RABEP1: variants seen among roughly 807,000 people sequenced by gnomAD.
RABEP1 encodes rabaptin, RAB GTPase binding effector protein 1.
A neutral mutation model predicts 123.4 loss-of-function variants in RABEP1; 51 were observed. That is an observed-to-expected ratio of 0.41 (90% CI 0.33 to 0.52). RABEP1 has a LOEUF of 0.52. Among genes scored for constraint, RABEP1 ranks in the 20% least tolerant of loss-of-function variants. RABEP1 has a pLI of 0.16. For missense variants in RABEP1, 888 were observed against 996.3 expected (o/e 0.89, Z 1.46); for synonymous variants, 347 against 355.2 (o/e 0.98, Z 0.26).
rs1907256650 is a variant in RABEP1, at chr17:5,338,082, T to C, written c.592T>C (p.Leu198=). 1 of 1,613,390 alleles carries C rather than the reference T, an allele frequency of 6.2e-7. No individual in the cohort carries two copies. Among genetic ancestry groups the C allele is most frequent in the Non-Finnish European group, 8.5e-7 (1 of 1,179,596 alleles). The change falls in exon 5 of 18, where the codon TTG becomes CTG. Residue 198 remains leucine (L), a synonymous_variant. Transcript: ENST00000537505. ...GCCAATGGAAAAGGAAATTGCAGCT[T>C]TGAAGGATAAACTGACAGAGGCTGA... ...VMPMEKEIAA[L]KDKLTEAEDK...
chr17:5,353,174 ACTC>A (rs2144654058), intron 7 of RABEP1, among the ~76,000 whole-genome samples: 1 of 151,554 alleles, frequency 6.6e-6, no homozygotes, highest in South Asian at 2.1e-4. Context: ...ATTACACAGA[ACTC>A]CTCCACAGGC....
intron 4 of RABEP1, 119 bp downstream of exon 4, chr17:5,335,463 T>C: frequency 1.1e-6 from 1 of 888,768 alleles, no homozygotes; most frequent in Non-Finnish European, 1.7e-6. Context: ...AATAATTATT[T>C]GGACACAGAC....
intron 10 of RABEP1, among the ~76,000 whole-genome samples, chr17:5,364,702 T>C (rs952732250): frequency 2.2e-5 from 3 of 135,404 alleles, no homozygotes; most frequent in Non-Finnish European, 4.7e-5. Context: ...AGCGAGAGAC[T>C]CTTGTCTCAA....
At chr17:5,381,714 C>A in intron 17 of RABEP1, 2 of 738,940 alleles carry the variant, frequency 2.7e-6, no homozygotes, top group Non-Finnish European at 3.9e-6. Flanking sequence ...TATGCCTTGC[C>A]AATTTTGCCT....
rs754711317 is a variant in RABEP1 at position 5,362,943 on chromosome 17, G to A, written c.1595G>A (p.Arg532His). 2.0e-5 allele frequency: 33 copies of A among 1,613,782 alleles called. No individual in the cohort carries two copies. The highest frequency in any genetic ancestry group is 1.6e-4 in the Middle Eastern group (1 of 6,084). The change falls in exon 10 of 18, where the codon CGT becomes CAT. Residue 532 changes from arginine (R) to histidine (H), a missense_variant. Coordinates refer to ENST00000537505, the MANE Select transcript of RABEP1 (RefSeq NM_004703.6). Reference protein sequence around the residue: ...VHNAGNKLGRRCDMCSNYEKQ... With the variant: ...VHNAGNKLGRHCDMCSNYEKQ... The stretch of plus-strand genomic sequence containing the variant: ...AATGCTGGAAATAAACTTGGTAGAC[G>A]TTGTGATATGTGTTCCAATTACGAA...
intron 2 of RABEP1, among the ~76,000 whole-genome samples, chr17:5,328,053 A>G (rs781367005): frequency 1.3e-5 from 2 of 152,246 alleles, no homozygotes; most frequent in Non-Finnish European, 2.9e-5. Context: ...AGTAGTTATC[A>G]ACAGTCAACA....
chr17:5,298,921 C>G (rs1472020844), intron 1 of RABEP1, among the ~76,000 whole-genome samples: 1 of 151,898 alleles, frequency 6.6e-6, no homozygotes, highest in African/African-American at 2.4e-5. Flanking sequence ...TCTCAAAGTG[C>G]TGGGATTACA....
At chr17:5,328,692 C>G (rs1906212791) in intron 2 of RABEP1, among the ~76,000 whole-genome samples, 1 of 147,838 alleles carries the variant, frequency 6.8e-6, no homozygotes, top group Admixed American at 6.8e-5. Context: ...GTGGCTCACG[C>G]CTGTAATCCC....
In RABEP1 at chr17:5,319,265, A is replaced by G. The variant is rs193257361; in HGVS notation, c.163+10443A>G. 2.0e-3 allele frequency among the ~76,000 whole-genome samples: 276 copies of G among 139,458 alleles called. 1 individual carries two copies. The highest frequency in any genetic ancestry group is 5.9e-3 in the African/African-American group (231 of 38,982). 91.5% of individuals were successfully genotyped at this position (139,458 alleles called of 152,430 possible). A position where few individuals can be genotyped will look rare whatever the true frequency, so the allele number is the denominator to read the frequency against. On this transcript the variant is annotated intron_variant, in intron 2 of 17. Transcript: ENST00000537505. The stretch of plus-strand genomic sequence containing the variant: ...GAATTGCTCGAGCCCAGAGGCAGAG[A>G]TTGCAGTGAGCTGAGATCATGCCAC...
At chr17:5,377,497 CAGAAAT>C (rs1911086765) in intron 14 of RABEP1, among the ~76,000 whole-genome samples, 192 bp downstream of exon 14, 1 of 148,806 alleles carries the variant, frequency 6.7e-6, no homozygotes, top group South Asian at 2.1e-4. Flanking sequence ...GTCAAATAAT[CAGAAAT>C]TCTGGTTATT....
In RABEP1 at chr17:5,308,632, T is replaced by C. The variant is rs940116091; in HGVS notation, c.35-62T>C. 6 of 1,459,552 alleles carry C rather than the reference T, an allele frequency of 4.1e-6. No homozygotes were observed. In the African/African-American group the frequency reaches 5.7e-5, roughly 14 times the overall value. 90.4% of individuals were successfully genotyped at this position (1,459,552 alleles called of 1,614,324 possible). The stretch of plus-strand genomic sequence containing the variant: ...GCAATGTACAGCTAGAATACTAATT[T>C]ACTGTTTTATAAATTTATGAATAAA... On this transcript the variant is annotated intron_variant, in intron 1 of 17. Transcript: ENST00000537505.
rs778141395 is a variant in RABEP1, at chr17:5,361,163, C to T, written c.1096-45C>T. On this transcript the variant is annotated intron_variant, in intron 8 of 17. Transcript: ENST00000537505. ...TTATTATAGTTTTTGTCTTTAAAAA[C>T]GCAGAGAATTGTCTAACTTGGCCAT... 2.6e-5 allele frequency: 39 copies of T among 1,520,412 alleles called. No homozygotes were observed. In the South Asian group the frequency reaches 3.3e-4, roughly 13 times the overall value. 94.2% of individuals were successfully genotyped at this position (1,520,412 alleles called of 1,614,324 possible).
chr17:5,327,147 A>T (rs1406326407), intron 2 of RABEP1, among the ~76,000 whole-genome samples: 4 of 152,226 alleles, frequency 2.6e-5, no homozygotes, highest in Non-Finnish European at 5.9e-5. Context: ...CAGGAGTTCG[A>T]GATCAGCCTG....
At position 5,365,116 on chromosome 17, in the gene RABEP1, A is replaced by G. The variant is rs948564872; in HGVS notation, c.1669-6A>G. Reference sequence around the variant, plus strand: ...GTTTTTCTAATTGACTTTTAAAATGATACAGGTGAAAAAACTACAGCTGAT... The same window carrying G: ...GTTTTTCTAATTGACTTTTAAAATGGTACAGGTGAAAAAACTACAGCTGAT... On this transcript the variant is annotated splice_polypyrimidine_tract_variant and splice_region_variant and intron_variant, in intron 10 of 17. Transcript: ENST00000537505. The G allele has an allele frequency of 7.0e-6, 11 of 1,569,868 alleles. No individual in the cohort carries two copies. Among genetic ancestry groups the G allele is most frequent in the Non-Finnish European group, 9.5e-6 (11 of 1,157,914 alleles).
Position 5,373,435 on chromosome 17 carries a change from T to C in RABEP1, c.2006T>C (p.Ile669Thr), listed in dbSNP as rs764551085. 1.9e-6 allele frequency: 3 copies of C among 1,611,880 alleles called. No homozygotes were observed. The highest frequency in any genetic ancestry group is 2.5e-6 in the Non-Finnish European group (3 of 1,179,402). ...TCATTACAGCAAGCAGAAGACTTCA[T>C]CCTCCCAGACACTACAGAGGTAACT... ...HVSLQQAEDF[I>T]LPDTTEALRE... Residue 669 changes from isoleucine to threonine, a missense_variant, in exon 13 of 18, where the codon ATC becomes ACC. Coordinates refer to ENST00000537505, the MANE Select transcript of RABEP1 (RefSeq NM_004703.6).
chr17:5,344,242 A>C (rs9904628), intron 5 of RABEP1, among the ~76,000 whole-genome samples: 68,331 of 151,842 alleles, frequency 0.45, 16,458 homozygotes, highest in African/African-American at 0.63. Flanking sequence ...GTTTGAGACC[A>C]GCCTGGGCAA....
At chr17:5,322,541 G>A (rs1905482283) in intron 2 of RABEP1, among the ~76,000 whole-genome samples, 1 of 152,024 alleles carries the variant, frequency 6.6e-6, no homozygotes, top group South Asian at 2.1e-4. Context: ...AGAGGACTTT[G>A]TCACTCCACT....
intron 2 of RABEP1, among the ~76,000 whole-genome samples, chr17:5,320,925 A>G (rs1347703096): frequency 6.6e-6 from 1 of 152,230 alleles, no homozygotes; most frequent in East Asian, 1.9e-4. Context: ...GATAATAACA[A>G]CACTGAATGT....
chr17:5,323,474 T>C (rs1438140865), intron 2 of RABEP1, among the ~76,000 whole-genome samples: 1 of 151,984 alleles, frequency 6.6e-6, no homozygotes, highest in Non-Finnish European at 1.5e-5. Flanking sequence ...ACCAAAAAAC[T>C]GTTGACTGAT....
Sources: gnomAD v4.1 joint callset for allele counts (sites outside exome capture counted in the v4.1 genomes callset) on GRCh38, gnomAD v4.1.1 for gene constraint, MANE v1.5 for transcripts, NCBI Gene and HGNC (gene_info 2026-07-23, HGNC 2026-07-21) for gene names.